GRIK3: variants seen among roughly 807,000 people sequenced by gnomAD.
The protein encoded by GRIK3 is glutamate receptor ionotropic, kainate 3.
GRIK3 carries 29 observed loss-of-function variants against 102.5 expected under a neutral mutation model. The observed-to-expected ratio is 0.28, with a 90% confidence interval of 0.21 to 0.39. The LOEUF is 0.39. Among genes scored for constraint, GRIK3 ranks in the 10% least tolerant of loss-of-function variants. The pLI is 1.00. For missense variants in GRIK3, 908 were observed against 1,252.4 expected (o/e 0.73, Z 4.15); for synonymous variants, 511 against 504.9 (o/e 1.01, Z -0.16).
At chr1:36,919,553 G>T (rs775096037) in intron 1 of GRIK3, among the ~76,000 whole-genome samples, 1 of 152,098 alleles carries the variant, frequency 6.6e-6, no homozygotes, top group Non-Finnish European at 1.5e-5. Context: ...TGGTTTTGGC[G>T]AACAGGCAGG....
At chr1:36,929,610 G>GT (rs1641565960) in intron 1 of GRIK3, among the ~76,000 whole-genome samples, 4 of 152,122 alleles carry the variant, frequency 2.6e-5, no homozygotes, top group Non-Finnish European at 1.5e-5. Context: ...GGATTTTCTA[G>GT]TTTTTTTCCT....
At chr1:36,986,575 A>G (rs1321813380) in intron 1 of GRIK3, among the ~76,000 whole-genome samples, 1 of 152,196 alleles carries the variant, frequency 6.6e-6, no homozygotes, top group African/African-American at 2.4e-5. Flanking sequence ...CAAAGAGATG[A>G]ATAGGAACAA....
At chr1:37,020,087 G>A (rs1642693787) in intron 1 of GRIK3, among the ~76,000 whole-genome samples, 1 of 152,150 alleles carries the variant, frequency 6.6e-6, no homozygotes, top group South Asian at 2.1e-4. Context: ...GGTCCTTTGA[G>A]CTCTAGTCCA....
chr1:36,932,167 G>A (rs189238367), intron 1 of GRIK3, among the ~76,000 whole-genome samples: 20 of 152,232 alleles, frequency 1.3e-4, no homozygotes, highest in Admixed American at 7.2e-4. Context: ...TGTGAATTCC[G>A]ATGTTGACAA....
chr1:36,903,707 G>A (rs182078980), intron 1 of GRIK3, among the ~76,000 whole-genome samples: 182 of 152,290 alleles, frequency 1.2e-3, no homozygotes, highest in African/African-American at 3.6e-3. Flanking sequence ...AGCGAATGAA[G>A]CCAATGTGAA....
At chr1:36,931,835 G>C (rs896274115) in intron 1 of GRIK3, among the ~76,000 whole-genome samples, 8 of 152,158 alleles carry the variant, frequency 5.3e-5, no homozygotes, top group Admixed American at 2.0e-4. Flanking sequence ...CCAGCTGCCT[G>C]GTTGGGGCTG....
intron 7 of GRIK3, among the ~76,000 whole-genome samples, chr1:36,853,994 G>C (rs954266177): frequency 6.6e-6 from 1 of 152,348 alleles, no homozygotes; most frequent in South Asian, 2.1e-4. Context: ...CCGCCCTGAA[G>C]TCATGGGAAG....
At chr1:36,911,594 G>A (rs1012494369) in intron 1 of GRIK3, among the ~76,000 whole-genome samples, 1 of 152,032 alleles carries the variant, frequency 6.6e-6, no homozygotes, top group South Asian at 2.1e-4. Context: ...ATTGAGTTCC[G>A]GGGCCTGGTG....
chr1:36,838,475 G>A (rs1640408463), intron 10 of GRIK3, among the ~76,000 whole-genome samples: 1 of 152,192 alleles, frequency 6.6e-6, no homozygotes, highest in South Asian at 2.1e-4. Context: ...CTGTCTGATC[G>A]TGTTTATTGT....
chr1:36,823,211 C>T (rs562832084), intron 11 of GRIK3, among the ~76,000 whole-genome samples: 99 of 152,274 alleles, frequency 6.5e-4, no homozygotes, highest in East Asian at 5.4e-3. Context: ...TGATGGCTCA[C>T]GCCTGTAATC....
chr1:36,953,723 G>C (rs1182323917), intron 1 of GRIK3, among the ~76,000 whole-genome samples: 1 of 152,018 alleles, frequency 6.6e-6, no homozygotes, highest in Non-Finnish European at 1.5e-5. Flanking sequence ...GAAGGTGCCA[G>C]CTGGGGCTGA....
chr1:36,955,892 G>T (rs1306191861), intron 1 of GRIK3, among the ~76,000 whole-genome samples: 1 of 152,268 alleles, frequency 6.6e-6, no homozygotes, highest in East Asian at 1.9e-4. Flanking sequence ...TGGTGTTTTG[G>T]CTGGCCAGCC....
intron 1 of GRIK3, among the ~76,000 whole-genome samples, chr1:37,029,045 A>G (rs1378368068): frequency 6.6e-6 from 1 of 151,894 alleles, no homozygotes; most frequent in Non-Finnish European, 1.5e-5. Context: ...CTCCAGACCC[A>G]GGTGGGGCCC....
At chr1:36,930,245 G>T (rs1176744277) in intron 1 of GRIK3, among the ~76,000 whole-genome samples, 1 of 152,162 alleles carries the variant, frequency 6.6e-6, no homozygotes, top group Non-Finnish European at 1.5e-5. Context: ...TTGGCCTTCT[G>T]GTTTCAGCTT....
chr1:36,925,826 A>C (rs914002809), intron 1 of GRIK3, among the ~76,000 whole-genome samples: 5 of 152,216 alleles, frequency 3.3e-5, no homozygotes, highest in African/African-American at 1.2e-4. Context: ...AGCGTGGCTA[A>C]GGAACCTTGA....
At chr1:36,870,306 G>T (rs546786604) in intron 4 of GRIK3, among the ~76,000 whole-genome samples, 1 of 152,360 alleles carries the variant, frequency 6.6e-6, no homozygotes, top group African/African-American at 2.4e-5. Context: ...AAGGGCTGAG[G>T]CATCCCTGCT....
chr1:36,997,253 C>T (rs1387149205), intron 1 of GRIK3, among the ~76,000 whole-genome samples: 1 of 152,104 alleles, frequency 6.6e-6, no homozygotes, highest in Non-Finnish European at 1.5e-5. Context: ...GCACTTTGGG[C>T]GTGAGGCTGG....
rs1428634994 is a variant in GRIK3 at position 36,880,393 on chromosome 1, A to G, written c.550+241T>C. Among the ~76,000 whole-genome samples, 2 of 152,094 alleles carry G rather than the reference A, an allele frequency of 1.3e-5. No individual in the cohort carries two copies. The highest frequency in any genetic ancestry group is 1.5e-5 in the Non-Finnish European group (1 of 68,010). ...ATTTGAACACTTGTGCTGCTAGAGG[A>G]GGAGCTGAGTGTGAGGCAGGGGTGA... On this transcript the variant is annotated intron_variant, in intron 3 of 15. Coordinates refer to ENST00000373091, the MANE Select transcript of GRIK3 (RefSeq NM_000831.4). This position sits in a 1 kb window ranked among gnomAD's most constrained non-coding sequence, Gnocchi z 5.4.
intron 1 of GRIK3, among the ~76,000 whole-genome samples, chr1:36,954,006 C>T (rs1356404391): frequency 6.6e-6 from 1 of 152,160 alleles, no homozygotes; most frequent in Non-Finnish European, 1.5e-5. Flanking sequence ...TTCCTTCGTG[C>T]CAGCTGAGCC....
Sources: gnomAD v4.1 joint callset for allele counts (sites outside exome capture counted in the v4.1 genomes callset) on GRCh38, gnomAD v4.1.1 for gene constraint, Gnocchi (gnomAD v3.1) non-coding constraint, MANE v1.5 for transcripts, NCBI Gene and HGNC (gene_info 2026-07-23, HGNC 2026-07-21) for gene names.